The following TRO variants were observed in gnomAD, a reference collection of about 807,000 sequenced individuals.
TRO encodes MAGE superfamily protein.
TRO carries 29 observed loss-of-function variants against 42.3 expected under a neutral mutation model. That is an observed-to-expected ratio of 0.68 (90% confidence interval 0.51 to 0.93). TRO has a LOEUF of 0.93. TRO is among the 40% of genes least tolerant of loss of function. TRO has a pLI of 0.00. For synonymous variants in TRO, 384 were observed against 425.2 expected (o/e 0.90, Z 1.19); for missense variants, 963 against 1,127.7 (o/e 0.85, Z 2.09).
At position 54,922,910 on chromosome X, in the gene TRO, T is replaced by C. The variant is rs1932267258; in HGVS notation, c.378T>C (p.Asn126=). 1.7e-6 allele frequency: 2 copies of C among 1,211,546 alleles called. No individual in the cohort carries two copies. The highest frequency in any genetic ancestry group is 3.5e-5 in the African/African-American group (2 of 57,734). Residue 126 remains asparagine (N), a synonymous_variant, in exon 3 of 13, where the codon AAT becomes AAC. Transcript: ENST00000173898. ...CTTTACCTACCACTGAGGTAACCAA[T>C]ACTCAGGCTTCTTCAGTCACTGCTC... The part of the protein sequence containing the change: ...SQALPTTEVT[N]TQASSVTAQP...
rs1401732802 is a variant in TRO at position 54,923,330 on chromosome X, G to A, written c.798G>A (p.Lys266=). The change falls in exon 3 of 13, where the codon AAG becomes AAA. Residue 266 remains lysine, a synonymous_variant. Coordinates refer to ENST00000173898, the MANE Select transcript of TRO (RefSeq NM_001039705.3). ...CCAAAGCCAGGAAGACAATTGCTAAGGTCATAAATACTGACACTGAGCATA... is the reference window on the plus strand; with the variant it reads ...CCAAAGCCAGGAAGACAATTGCTAAAGTCATAAATACTGACACTGAGCATA... The part of the protein sequence containing the change: ...KASKARKTIA[K]VINTDTEHIE... 3.3e-6 allele frequency: 4 copies of A among 1,210,325 alleles called. No individual in the cohort carries two copies. In the South Asian group the frequency reaches 7.1e-5, roughly 21 times the overall value.
intron 10 of TRO, 74 bp downstream of exon 10, chrX:54,927,179 T>A: frequency 1.9e-6 from 2 of 1,063,057 alleles, no homozygotes; most frequent in Non-Finnish European, 1.3e-6. Flanking sequence ...AAGTGCTTAG[T>A]CAGTGCCTTT....
chrX:54,922,990 C>T lies in TRO; in HGVS notation c.458C>T (p.Ser153Phe), dbSNP rs1932281342. The T allele has an allele frequency of 5.0e-6, 6 of 1,212,054 alleles. No homozygotes were observed. Among genetic ancestry groups the T allele is most frequent in the Non-Finnish European group, 6.7e-6 (6 of 895,614 alleles). Residue 153 changes from serine (S) to phenylalanine (F), a missense_variant, in exon 3 of 13, where the codon TCC becomes TTC. Ser to Phe is a radical substitution (Grantham distance 155, BLOSUM62 -2). Transcript: ENST00000173898. ...GTTACTGCCAAGGCAGCCCAAGGCTCCCAATCCCCAACTGGCCATGAGGGT... is the reference window on the plus strand; with the variant it reads ...GTTACTGCCAAGGCAGCCCAAGGCTTCCAATCCCCAACTGGCCATGAGGGT... ...KRVTAKAAQG[S>F]QSPTGHEGGT...
intron 6 of TRO, 109 bp downstream of exon 6, chrX:54,925,177 T>A (rs906436339): frequency 2.3e-5 from 18 of 781,265 alleles, no homozygotes; most frequent in Non-Finnish European, 3.3e-5. Flanking sequence ...TCCAGCCCCA[T>A]TACTGTGTGA....
chrX:54,929,731 C>G lies in TRO; in HGVS notation c.3007C>G (p.Leu1003Val). ...CACCAGTGCTGACTTTGGCGGTACA[C>G]TAAGCACCAGTGTCTGCTTTGGTGG... is the stretch of plus-strand genomic sequence containing the variant. The part of the protein sequence containing the change: ...MSTSADFGGT[L>V]STSVCFGGSP... Residue 1003 changes from leucine to valine, a missense_variant, in exon 12 of 13, where the codon CTA (leucine) becomes GTA (valine). Leu to Val is a conservative substitution (Grantham distance 32). Around this residue, in one of 2 missense-constraint regions of TRO, gnomAD observed 641 missense variants for 811.3 expected, o/e 0.79. Transcript: ENST00000173898. The G allele has an allele frequency of 8.3e-7, 1 of 1,211,836 alleles. No homozygotes were observed. Among genetic ancestry groups the G allele is most frequent in the Non-Finnish European group, 1.1e-6 (1 of 895,511 alleles).
chrX:54,927,466 G>A, intron 10 of TRO: 1 of 449,257 alleles, frequency 2.2e-6, no homozygotes, highest in Non-Finnish European at 3.9e-6. Flanking sequence ...GGACTGCTTT[G>A]CACAGGGCCA....
At chrX:54,924,177 A>G (rs981821137) in intron 3 of TRO, among the ~76,000 whole-genome samples, 1 of 112,129 alleles carries the variant, frequency 8.9e-6, no homozygotes, top group Non-Finnish European at 1.9e-5. Flanking sequence ...ACCAGCCAGC[A>G]TAATTGGTGG....
chrX:54,922,005 G>T, intron 1 of TRO, 198 bp from the exon 2 acceptor site: 2 of 344,777 alleles, frequency 5.8e-6, no homozygotes, highest in Non-Finnish European at 1.0e-5. Flanking sequence ...GAGGGGGCGT[G>T]TAAAGGGGTG....
Position 54,930,890 on chromosome X carries a change from G to T in TRO, c.4166G>T (p.Gly1389Val), listed in dbSNP as rs1933112756. ...CCAAGCACCAGTGGCTTCAGCGGTG[G>T]ACCGAGCACAGGAGCTGGCTTCGGC... Reference protein sequence around the residue: ...SGPSTSGFSGGPSTGAGFGGG... With the variant: ...SGPSTSGFSGVPSTGAGFGGG... The change falls in exon 12 of 13, where the codon GGA (glycine) becomes GTA (valine). Residue 1389 changes from glycine to valine, a missense_variant. Physicochemically the swap from Gly to Val is moderately radical, Grantham distance 109. This residue lies in a region of TRO where 641 missense variants were observed against 811.3 expected (regional missense o/e 0.79). Coordinates refer to ENST00000173898, the MANE Select transcript of TRO (RefSeq NM_001039705.3). 2 of 1,209,425 alleles carry T rather than the reference G, an allele frequency of 1.7e-6. No homozygotes were observed. The highest frequency in any genetic ancestry group is 2.2e-6 in the Non-Finnish European group (2 of 895,005).
At position 54,922,369 on chromosome X, in the gene TRO, G is replaced by C. The variant is rs1302156741; in HGVS notation, c.45+78G>C. 4.6e-6 allele frequency: 5 copies of C among 1,090,207 alleles called. No homozygotes were observed. The African/African-American group carries it at 5.5e-5, about 12-fold the overall frequency. 89.8% of individuals were successfully genotyped at this position (1,090,207 alleles called of 1,213,427 possible). A position where few individuals can be genotyped will look rare whatever the true frequency, so the allele number is the denominator to read the frequency against. ...TACTGCTCTTCAGACCCCTTCCACC[G>C]TGTAGTTTCATAATTCCCTGCCTAA... is the stretch of plus-strand genomic sequence containing the variant. On this transcript the variant is annotated intron_variant, in intron 2 of 12. Coordinates refer to ENST00000173898, the MANE Select transcript of TRO (RefSeq NM_001039705.3).
chrX:54,927,418 A>G (rs182562780), intron 10 of TRO: 1 of 465,772 alleles, frequency 2.1e-6, no homozygotes, highest in African/African-American at 2.4e-5. Flanking sequence ...TTCCTGTGAC[A>G]TCATGCCCTA....
intron 3 of TRO, chrX:54,924,032 T>G: frequency 2.6e-6 from 1 of 387,589 alleles, no homozygotes; most frequent in Non-Finnish European, 4.4e-6. Flanking sequence ...CGTGCCAGGC[T>G]TTGTGTTGGG....
rs778999498 is a variant in TRO at position 54,930,481 on chromosome X, C to T, written c.3757C>T (p.Pro1253Ser). The change falls in exon 12 of 13, where the codon CCA becomes TCA. Residue 1253 changes from proline (P) to serine (S), a missense_variant. This residue lies in a region of TRO where 641 missense variants were observed against 811.3 expected (regional missense o/e 0.79). Transcript: ENST00000173898. ...LGTSAGFGGG[P>S]GTSTGFGGGL... Reference sequence around the variant, plus strand: ...TACCAGCGCTGGCTTCGGTGGAGGACCAGGCACCAGCACTGGTTTTGGTGG... The same window carrying T: ...TACCAGCGCTGGCTTCGGTGGAGGATCAGGCACCAGCACTGGTTTTGGTGG... 1 of 1,209,200 alleles carries T rather than the reference C, an allele frequency of 8.3e-7. No individual in the cohort carries two copies. The highest frequency in any genetic ancestry group is 1.8e-5 in the South Asian group (1 of 56,770).
At chrX:54,927,432 A>G in intron 10 of TRO, 1 of 459,554 alleles carries the variant, frequency 2.2e-6, no homozygotes, top group Non-Finnish European at 3.8e-6. Flanking sequence ...TGCCCTATAC[A>G]TGTCTCCCCT....
chrX:54,922,744 C>A lies in TRO; in HGVS notation c.212C>A (p.Thr71Asn). ...GTCAACCGGCCTAAGAAAAGCAAGA[C>A]CAAGAAGGCCCCTATAAAGACTATT... ...PVVNRPKKSK[T>N]KKAPIKTITK... The change falls in exon 3 of 13, where the codon ACC becomes AAC. Residue 71 changes from threonine to asparagine, a missense_variant. By Grantham distance (65) the Thr-to-Asn change is moderately conservative. Coordinates refer to ENST00000173898, the MANE Select transcript of TRO (RefSeq NM_001039705.3). 1 of 1,206,328 alleles carries A rather than the reference C, an allele frequency of 8.3e-7. No homozygotes were observed. The highest frequency in any genetic ancestry group is 1.7e-5 in the African/African-American group (1 of 57,633).
Position 54,922,902 on chromosome X carries a change from G to A in TRO, c.370G>A (p.Val124Ile), listed in dbSNP as rs1342992211. The change falls in exon 3 of 13, where the codon GTA becomes ATA. Residue 124 changes from valine to isoleucine, a missense_variant. Around this residue, in one of 2 missense-constraint regions of TRO, gnomAD observed 322 missense variants for 316.5 expected, o/e 1.02. Transcript: ENST00000173898. Reference protein sequence around the residue: ...QISQALPTTEVTNTQASSVTA... With the variant: ...QISQALPTTEITNTQASSVTA... ...CAGCCAGGCTTTACCTACCACTGAG[G>A]TAACCAATACTCAGGCTTCTTCAGT... 8.3e-7 allele frequency: 1 copy of A among 1,211,672 alleles called. No individual in the cohort carries two copies. Among genetic ancestry groups the A allele is most frequent in the African/African-American group, 1.7e-5 (1 of 57,790 alleles).
At position 54,929,297 on chromosome X, in the gene TRO, G is replaced by A. The variant is rs751652297; in HGVS notation, c.2573G>A (p.Gly858Asp). ...GGAGGCACACTCAGCACCACGGCTG[G>A]CTTTAGTGGTGTACTCAGCACTAGC... Reference protein sequence around the residue: ...GFGGTLSTTAGFSGVLSTSTS... With the variant: ...GFGGTLSTTADFSGVLSTSTS... Residue 858 changes from glycine (G) to aspartate (D), a missense_variant, in exon 12 of 13, where the codon GGC (glycine) becomes GAC (aspartate). Coordinates refer to ENST00000173898, the MANE Select transcript of TRO (RefSeq NM_001039705.3). 2.1e-5 allele frequency: 26 copies of A among 1,210,805 alleles called. No homozygotes were observed. Among genetic ancestry groups the A allele is most frequent in the Admixed American group, 4.3e-5 (2 of 45,982 alleles).
chrX:54,922,717 T>C lies in TRO; in HGVS notation c.185T>C (p.Val62Ala). 8.3e-7 allele frequency: 1 copy of C among 1,209,840 alleles called. No individual in the cohort carries two copies. The highest frequency in any genetic ancestry group is 3.0e-5 in the East Asian group (1 of 33,789). Reference protein sequence around the residue: ...TKDSLAMDPPVVNRPKKSKTK... With the variant: ...TKDSLAMDPPAVNRPKKSKTK... ...GACTCCCTGGCCATGGACCCACCAG[T>C]TGTCAACCGGCCTAAGAAAAGCAAG... The change falls in exon 3 of 13, where the codon GTT (valine) becomes GCT (alanine). Residue 62 changes from valine to alanine, a missense_variant. By Grantham distance (64) the Val-to-Ala change is moderately conservative (BLOSUM62 0). Coordinates refer to ENST00000173898, the MANE Select transcript of TRO (RefSeq NM_001039705.3).
chrX:54,927,777 G>T lies in TRO; in HGVS notation c.1874G>T (p.Cys625Phe). Residue 625 changes from cysteine to phenylalanine, a missense_variant, in exon 11 of 13, where the codon TGC (cysteine) becomes TTC (phenylalanine). Physicochemically the swap from Cys to Phe is radical, Grantham distance 205. Transcript: ENST00000173898. ...TSKMKVLKFA[C>F]RVQKKDPKDW... ...AAGATGAAAGTCCTCAAGTTTGCAT[G>T]CAGGGTAAGAGGAGAGCTGCCCGAG... 8.3e-7 allele frequency: 1 copy of T among 1,208,623 alleles called. No homozygotes were observed. The highest frequency in any genetic ancestry group is 1.1e-6 in the Non-Finnish European group (1 of 893,156).
Sources: gnomAD v4.1 joint callset for allele counts (sites outside exome capture counted in the v4.1 genomes callset) on GRCh38, gnomAD v4.1.1 for gene constraint, gnomAD v4.1.1 regional missense constraint, MANE v1.5 for transcripts, NCBI Gene and HGNC (gene_info 2026-07-23, HGNC 2026-07-21) for gene names.